PITPNM2: variants seen among roughly 807,000 people sequenced by gnomAD.
PITPNM2 encodes the protein membrane-associated phosphatidylinositol transfer protein 2.
PITPNM2 carries 35 observed loss-of-function variants against 132.2 expected under a neutral mutation model. That is an observed-to-expected ratio of 0.26 (90% CI 0.20 to 0.35). The LOEUF is 0.35. PITPNM2 is among the 10% of genes least tolerant of loss of function. The pLI, the probability that PITPNM2 is intolerant of heterozygous loss-of-function variation, is 1.00. For synonymous variants in PITPNM2, 738 were observed against 799.2 expected, an observed-to-expected ratio of 0.92 and a Z score of 1.29; for missense variants, 1,332 against 1,912.0, an observed-to-expected ratio of 0.70 and a Z score of 5.66.
In PITPNM2 at chr12:122,986,056, C is replaced by G; in HGVS notation, c.4021G>C (p.Glu1341Gln). The G allele has an allele frequency of 1.4e-6, 2 of 1,414,142 alleles. No homozygotes were observed. Among genetic ancestry groups the G allele is most frequent in the Non-Finnish European group, 1.8e-6 (2 of 1,095,608 alleles). The allele number at this position is 1,414,142 out of a possible 1,614,324, so 87.6% of individuals were successfully genotyped here. Reference sequence around the variant, plus strand: ...TTGGGGCCCGCGGCTGCCCCCGGCTCCAGGCGGCCAGTCATGGCGCGGCCC... The same window carrying G: ...TTGGGGCCCGCGGCTGCCCCCGGCTGCAGGCGGCCAGTCATGGCGCGGCCC... The part of the protein sequence containing the change: ...CWGRAMTGRL[E>Q]PGAAAGPK Residue 1341 changes from glutamate (E) to glutamine (Q), a missense_variant, in exon 26 of 26, where the codon GAG (glutamate) becomes CAG (glutamine). This residue lies in a region of PITPNM2 where 163 missense variants were observed against 177.2 expected (regional missense o/e 0.92). Coordinates refer to ENST00000320201, the MANE Select transcript of PITPNM2 (RefSeq NM_020845.3).
intron 2 of PITPNM2, among the ~76,000 whole-genome samples, chr12:123,043,639 GGCTTGCA>G: frequency 6.6e-6 from 1 of 152,336 alleles, no homozygotes; most frequent in African/African-American, 2.4e-5. Flanking sequence ...GGCACCGTGG[GGCTTGCA>G]GTGCTCTGCA....
rs1346650627 is a variant in PITPNM2 at position 123,117,925 on chromosome 12, T to C, written c.-199-7437A>G. Among the ~76,000 whole-genome samples the C allele has an allele frequency of 1.3e-5, 2 of 152,176 alleles. No homozygotes were observed. The highest frequency in any genetic ancestry group is 3.9e-4 in the East Asian group (2 of 5,190). On this transcript the variant is annotated intron_variant, in intron 1 of 25. Transcript: ENST00000320201. This position sits in a 1 kb window ranked among gnomAD's most constrained non-coding sequence, Gnocchi z 4.7. ...GCCCCATGCAATCTCCTATGCTCCC[T>C]CTTTCTCTGCTTACCAGCCAGCTGA... is the stretch of plus-strand genomic sequence containing the variant.
In PITPNM2 at chr12:122,989,872, G is replaced by A; in HGVS notation, c.2646C>T (p.Thr882=). The A allele has an allele frequency of 3.8e-6, 5 of 1,331,526 alleles. No individual in the cohort carries two copies. Among genetic ancestry groups the A allele is most frequent in the Non-Finnish European group, 4.8e-6 (5 of 1,036,148 alleles). The allele number at this position is 1,331,526 out of a possible 1,614,324, so 82.5% of individuals were successfully genotyped here. ...SLLALPAPSP[T]TPGPHPPARK... ...TGGCTGGAGGGTGGGGGCCAGGGGT[G>A]GTGGGGCTGGGGGCGGGCAGGGCGA... is the stretch of plus-strand genomic sequence containing the variant. The change falls in exon 18 of 26, where the codon ACC becomes ACT. Residue 882 remains threonine, a synonymous_variant. Transcript: ENST00000320201.
chr12:122,989,141 C>T (rs949052698), intron 18 of PITPNM2, among the ~76,000 whole-genome samples: 1 of 152,184 alleles, frequency 6.6e-6, no homozygotes. Context: ...TGGGATGGTA[C>T]CAGCTGTCTG....
In PITPNM2 at chr12:123,023,308, C is replaced by CAT. The variant is rs2039741894; in HGVS notation, c.79-9267_79-9266insAT. Among the ~76,000 whole-genome samples the CAT allele has an allele frequency of 6.6e-6, 1 of 152,090 alleles. No homozygotes were observed. ...CGTGCATGCGTGCACACACATGTGGCGTGTGTGTGCATGCAGGAGCCAAGG... is the reference window on the plus strand; with the variant it reads ...CGTGCATGCGTGCACACACATGTGGCATGTGTGTGTGCATGCAGGAGCCAAGG... On this transcript the variant is annotated intron_variant, in intron 3 of 25. Transcript: ENST00000320201. The surrounding 1 kb of genome is among the most constrained non-coding windows in gnomAD (Gnocchi z 4.8).
At chr12:123,076,480 G>A (rs2041793898) in intron 2 of PITPNM2, among the ~76,000 whole-genome samples, 2 of 152,208 alleles carry the variant, frequency 1.3e-5, no homozygotes, top group Non-Finnish European at 2.9e-5. Flanking sequence ...AGGCTCTGAT[G>A]CTGTTATTAA....
chr12:122,990,752 GC>G, intron 16 of PITPNM2, 43 bp from the exon 17 acceptor site: 1 of 1,546,282 alleles, frequency 6.5e-7, no homozygotes, highest in Non-Finnish European at 8.7e-7. Flanking sequence ...GAGAGGCCCT[GC>G]CCAGCCCCGG....
intron 1 of PITPNM2, among the ~76,000 whole-genome samples, chr12:123,112,613 A>C (rs2042861296): frequency 6.8e-6 from 1 of 146,230 alleles, no homozygotes; most frequent in Non-Finnish European, 1.5e-5. Context: ...ATCTCGGCTC[A>C]CTGCAAGCTC....
chr12:122,988,841 G>A lies in PITPNM2; in HGVS notation c.2763C>T (p.Ile921=), dbSNP rs760258928. 18 of 1,576,816 alleles carry A rather than the reference G, an allele frequency of 1.1e-5. No individual in the cohort carries two copies. Among genetic ancestry groups the A allele is most frequent in the Non-Finnish European group, 1.5e-5 (18 of 1,161,296 alleles). ...CGTCAGGGCAGTACAGGGCGTAGTCGATCCGCTTCTGGCCCCACCACTTTG... is the reference window on the plus strand; with the variant it reads ...CGTCAGGGCAGTACAGGGCGTAGTCAATCCGCTTCTGGCCCCACCACTTTG... ...VAAKWWGQKR[I]DYALYCPDAL... Residue 921 remains isoleucine (I), a synonymous_variant, in exon 19 of 26, where the codon ATC becomes ATT. Coordinates refer to ENST00000320201, the MANE Select transcript of PITPNM2 (RefSeq NM_020845.3).
intron 3 of PITPNM2, among the ~76,000 whole-genome samples, chr12:123,030,565 C>T (rs1470467594): frequency 2.0e-5 from 3 of 151,910 alleles, no homozygotes; most frequent in South Asian, 2.1e-4. Context: ...TGGTGGCACG[C>T]GCCTGTAGAC....
At position 123,045,943 on chromosome 12, in the gene PITPNM2, G is replaced by A. The variant is rs191242529; in HGVS notation, c.-95-11258C>T. Reference sequence around the variant, plus strand: ...GGCTGAGTGGGGTACAGACCCAGCCGTCCCTGGGTGTCCCAGCGAGGGTGT... The same window carrying A: ...GGCTGAGTGGGGTACAGACCCAGCCATCCCTGGGTGTCCCAGCGAGGGTGT... On this transcript the variant is annotated intron_variant, in intron 2 of 25. Coordinates refer to ENST00000320201, the MANE Select transcript of PITPNM2 (RefSeq NM_020845.3). Among the ~76,000 whole-genome samples, 34 of 152,104 alleles carry A rather than the reference G, an allele frequency of 2.2e-4. 1 individual carries two copies. The highest frequency in any genetic ancestry group is 6.0e-4 in the African/African-American group (25 of 41,494).
intron 3 of PITPNM2, 175 bp downstream of exon 3, chr12:123,034,338 G>T: frequency 1.6e-6 from 1 of 612,490 alleles, no homozygotes; most frequent in South Asian, 2.1e-5. Context: ...GGTGTGCTCT[G>T]TGCGCCTGGC....
At chr12:123,039,052 GT>G (rs773019073) in intron 2 of PITPNM2, among the ~76,000 whole-genome samples, 36 of 150,914 alleles carry the variant, frequency 2.4e-4, no homozygotes, top group Non-Finnish European at 4.6e-4. Flanking sequence ...ACTCAATCCA[GT>G]AAGAAGGAAC....
At chr12:123,014,107 C>G (rs1325107425) in intron 3 of PITPNM2, 65 bp from the exon 4 acceptor site, 3 of 1,561,304 alleles carry the variant, frequency 1.9e-6, no homozygotes, top group Non-Finnish European at 2.6e-6. Context: ...GGAAGGGGCA[C>G]AGGAGACTGG....
chr12:123,104,278 C>T (rs2042637330), intron 2 of PITPNM2, among the ~76,000 whole-genome samples: 1 of 152,236 alleles, frequency 6.6e-6, no homozygotes, highest in Non-Finnish European at 1.5e-5. Flanking sequence ...CTCGCAGCCC[C>T]CACACACCCG....
At chr12:123,118,114 A>C (rs2042965071) in intron 1 of PITPNM2, among the ~76,000 whole-genome samples, 1 of 152,272 alleles carries the variant, frequency 6.6e-6, no homozygotes, top group Non-Finnish European at 1.5e-5. Context: ...TAAGCCACTG[A>C]GACTAGAGAA....
At chr12:123,132,743 G>A (rs1195973107) in intron 1 of PITPNM2, among the ~76,000 whole-genome samples, 1 of 151,908 alleles carries the variant, frequency 6.6e-6, no homozygotes, top group African/African-American at 2.4e-5. Flanking sequence ...CCTATTCTAG[G>A]TACCTCATAT....
At position 123,004,848 on chromosome 12, in the gene PITPNM2, G is replaced by A. The variant is rs192235159; in HGVS notation, c.953-359C>T. ...AATTTGGCCACAGCAGGGCCCAGGC[G>A]GGAGATGAGTGAGCCAGGCCTGCCT... On this transcript the variant is annotated intron_variant, in intron 7 of 25. Transcript: ENST00000320201. The surrounding 1 kb of genome is among the most constrained non-coding windows in gnomAD (Gnocchi z 4.9). Among the ~76,000 whole-genome samples, 8 of 151,796 alleles carry A rather than the reference G, an allele frequency of 5.3e-5. No individual in the cohort carries two copies. The highest frequency in any genetic ancestry group is 2.1e-4 in the South Asian group (1 of 4,808).
intron 2 of PITPNM2, among the ~76,000 whole-genome samples, chr12:123,066,146 T>C (rs1033580056): frequency 6.6e-6 from 1 of 152,118 alleles, no homozygotes; most frequent in African/African-American, 2.4e-5. Flanking sequence ...GCAGGTGCCA[T>C]GTGTTGAAAT....
Sources: gnomAD v4.1 joint callset for allele counts (sites outside exome capture counted in the v4.1 genomes callset) on GRCh38, gnomAD v4.1.1 for gene constraint, gnomAD v4.1.1 regional missense constraint, Gnocchi (gnomAD v3.1) non-coding constraint, MANE v1.5 for transcripts, NCBI Gene and HGNC (gene_info 2026-07-23, HGNC 2026-07-21) for gene names.